OPCML: variants seen among roughly 807,000 people sequenced by gnomAD.
OPCML encodes opioid binding protein/cell adhesion molecule like, also known as opioid-binding protein/cell adhesion molecule.
In OPCML, 13 loss-of-function variants were observed where a neutral mutation model predicts 37.8. The observed-to-expected ratio is 0.34, with a 90% CI of 0.22 to 0.55. The LOEUF (loss-of-function observed/expected upper bound fraction) is 0.55, where lower values mean the gene tolerates loss of function less well. OPCML is among the 20% of genes least tolerant of loss of function. The pLI, the probability that OPCML is intolerant of heterozygous loss-of-function variation, is 0.91. For synonymous variants in OPCML, 176 were observed against 168.8 expected, an observed-to-expected ratio of 1.04 and a Z score of -0.33; for missense variants, 341 against 435.6, an observed-to-expected ratio of 0.78 and a Z score of 1.93.
intron 1 of OPCML, among the ~76,000 whole-genome samples, chr11:133,370,570 G>GA (rs200146795): frequency 7.2e-4 from 107 of 148,584 alleles, no homozygotes; most frequent in African/African-American, 2.4e-3. Context: ...AAACATTGCT[G>GA]AAAAAAAAAT....
At chr11:132,879,544 G>T (rs553039678) in intron 2 of OPCML, among the ~76,000 whole-genome samples, 1 of 152,132 alleles carries the variant, frequency 6.6e-6, no homozygotes, top group Admixed American at 6.5e-5. Context: ...GAAATAAAGT[G>T]GGAAAGGTAC....
chr11:133,008,443 T>C (rs978860673), intron 1 of OPCML: 25 of 984,656 alleles, frequency 2.5e-5, no homozygotes, highest in South Asian at 2.4e-4. Context: ...TTTCTGATTG[T>C]GGTAGATGCC....
intron 2 of OPCML, among the ~76,000 whole-genome samples, chr11:132,878,950 T>C (rs944185464): frequency 6.6e-6 from 1 of 152,192 alleles, no homozygotes; most frequent in Non-Finnish European, 1.5e-5. Flanking sequence ...AAAAGCGAAC[T>C]AATCAAAGCC....
At chr11:133,486,328 T>G (rs1395471350) in intron 1 of OPCML, among the ~76,000 whole-genome samples, 1 of 152,218 alleles carries the variant, frequency 6.6e-6, no homozygotes, top group Non-Finnish European at 1.5e-5. Context: ...CATGTCTTTG[T>G]AATGACTCTG....
chr11:132,865,453 G>A (rs949045848), intron 2 of OPCML, among the ~76,000 whole-genome samples: 2 of 152,170 alleles, frequency 1.3e-5, no homozygotes, highest in East Asian at 3.8e-4. Flanking sequence ...CATACGCTCA[G>A]CCCAACAGAG....
intron 2 of OPCML, among the ~76,000 whole-genome samples, chr11:132,903,795 C>T (rs2136510581): frequency 6.6e-6 from 1 of 152,314 alleles, no homozygotes; most frequent in Non-Finnish European, 1.5e-5. Flanking sequence ...AACCTTTCCC[C>T]TCACTGCTAT....
chr11:132,860,986 T>C lies in OPCML; in HGVS notation c.146+81940A>G, dbSNP rs961262965. On this transcript the variant is annotated intron_variant, in intron 2 of 7. Transcript: ENST00000524381. Reference sequence around the variant, plus strand: ...TGGAGAAACTGCAACTAAAATGCTATACAAACTAATATATTGTACAAGGCC... The same window carrying C: ...TGGAGAAACTGCAACTAAAATGCTACACAAACTAATATATTGTACAAGGCC... 2.0e-5 allele frequency among the ~76,000 whole-genome samples: 3 copies of C among 152,360 alleles called. 1 individual carries two copies.
chr11:133,207,745 C>T (rs1243300794), intron 1 of OPCML, among the ~76,000 whole-genome samples: 2 of 152,138 alleles, frequency 1.3e-5, no homozygotes, highest in Non-Finnish European at 1.5e-5. Context: ...AGGAAGAAGG[C>T]AGATTGTCAA....
chr11:133,387,909 C>T lies in OPCML; in HGVS notation c.61+144355G>A, dbSNP rs141048174. ...AACTGAATCTCTTAAGGAGGTACAA[C>T]ATTTGACAGTCAGAACCTTTTCCAG... On this transcript the variant is annotated intron_variant, in intron 1 of 7. Coordinates refer to ENST00000524381, the MANE Select transcript of OPCML (RefSeq NM_001012393.5). Among the ~76,000 whole-genome samples, 93 of 152,302 alleles carry T rather than the reference C, an allele frequency of 6.1e-4. 2 individuals carry two copies. Among genetic ancestry groups the T allele is most frequent in the African/African-American group, 2.1e-3 (89 of 41,560 alleles).
chr11:133,483,293 C>A lies in OPCML; in HGVS notation c.61+48971G>T, dbSNP rs565715172. ...ATAGCATTGTAGTTGGAAATGCGCA[C>A]TAGAGCTGATAGATAGGCAGATAGA... On this transcript the variant is annotated intron_variant, in intron 1 of 7. Transcript: ENST00000524381. Among the ~76,000 whole-genome samples, 4 of 119,494 alleles carry A rather than the reference C, an allele frequency of 3.3e-5. No individual in the cohort carries two copies. The South Asian group carries it at 9.6e-4, about 29-fold the overall frequency. 78.4% of individuals were successfully genotyped at this position (119,494 alleles called of 152,430 possible).
At chr11:132,535,587 AG>A (rs1390077678) in intron 3 of OPCML, among the ~76,000 whole-genome samples, 3 of 152,294 alleles carry the variant, frequency 2.0e-5, no homozygotes, top group East Asian at 3.9e-4. Context: ...AACAGCTCTG[AG>A]GTAGACAGGA....
At chr11:132,752,694 A>G (rs1421938887) in intron 2 of OPCML, among the ~76,000 whole-genome samples, 1 of 152,014 alleles carries the variant, frequency 6.6e-6, no homozygotes, top group Non-Finnish European at 1.5e-5. Context: ...TTTCACTATA[A>G]GTTTGGATGG....
At chr11:132,632,678 C>G (rs1940227263) in intron 3 of OPCML, among the ~76,000 whole-genome samples, 1 of 152,074 alleles carries the variant, frequency 6.6e-6, no homozygotes, top group South Asian at 2.1e-4. Flanking sequence ...CTATCTTCAG[C>G]AAGGCGAGGT....
At chr11:132,424,714 A>G (rs111788016) in intron 7 of OPCML, among the ~76,000 whole-genome samples, 2,287 of 152,284 alleles carry the variant, frequency 0.015, 45 homozygotes, top group African/African-American at 0.051. Flanking sequence ...GAAAACAGGC[A>G]TGATGATGCT....
intron 1 of OPCML, among the ~76,000 whole-genome samples, chr11:132,988,726 G>C (rs888309165): frequency 2.0e-5 from 3 of 152,122 alleles, no homozygotes; most frequent in African/African-American, 7.2e-5. Context: ...AGGAATAGTG[G>C]GTTTGTTTGA....
intron 1 of OPCML, chr11:133,362,159 G>C (rs757726940): frequency 6.6e-6 from 1 of 152,298 alleles, no homozygotes; most frequent in African/African-American, 2.4e-5. Context: ...GATACGTAGA[G>C]CCCATCGAAT....
intron 1 of OPCML, among the ~76,000 whole-genome samples, chr11:132,944,038 G>C (rs1405216899): frequency 2.0e-5 from 3 of 151,764 alleles, no homozygotes; most frequent in Non-Finnish European, 3.0e-5. Context: ...CATCCCGACG[G>C]GCGGGCGCCC....
At chr11:133,478,801 T>C (rs77712039) in intron 1 of OPCML, among the ~76,000 whole-genome samples, 4,969 of 151,976 alleles carry the variant, frequency 0.033, 120 homozygotes, top group South Asian at 0.12. Context: ...AATATTAGAA[T>C]TGGAATTCCT....
chr11:133,162,268 C>T (rs1950153630), intron 1 of OPCML, among the ~76,000 whole-genome samples: 1 of 152,106 alleles, frequency 6.6e-6, no homozygotes, highest in Admixed American at 6.5e-5. Flanking sequence ...GGGCGATATC[C>T]TTTGAGACGT....
Sources: gnomAD v4.1 joint callset for allele counts (sites outside exome capture counted in the v4.1 genomes callset) on GRCh38, gnomAD v4.1.1 for gene constraint, MANE v1.5 for transcripts, NCBI Gene and HGNC (gene_info 2026-07-23, HGNC 2026-07-21) for gene names.